Variants in MACROD2 observed in about 807,000 individuals in gnomAD.
The protein encoded by MACROD2 is mono-ADP ribosylhydrolase 2.
MACROD2 carries 36 observed loss-of-function variants against 70.4 expected under a neutral mutation model. The ratio of observed to expected loss-of-function variants is 0.51; its 90% CI spans 0.39 to 0.68. The LOEUF (loss-of-function observed/expected upper bound fraction) is 0.68, where lower values mean the gene tolerates loss of function less well. Ranked by LOEUF, MACROD2 falls within the 30% of genes least tolerant of loss-of-function variation. The probability of loss-of-function intolerance (pLI) is 0.00; values close to 1 mark genes in which losing one functional copy is unlikely to be tolerated. For missense variants in MACROD2, 496 were observed against 538.4 expected (o/e 0.92, Z 0.78); for synonymous variants, 172 against 178.8 (o/e 0.96, Z 0.30).
At chr20:14,555,749 C>T (rs545526178) in intron 4 of MACROD2, among the ~76,000 whole-genome samples, 39 of 152,100 alleles carry the variant, frequency 2.6e-4, no homozygotes, top group Non-Finnish European at 4.4e-4. Context: ...ACATGGGGGA[C>T]GTTGTGCTCT....
intron 8 of MACROD2, among the ~76,000 whole-genome samples, chr20:15,860,297 A>G (rs1456750947): frequency 6.6e-6 from 1 of 152,210 alleles, no homozygotes; most frequent in African/African-American, 2.4e-5. Context: ...AATGATTTTA[A>G]GTATGGGGGA....
chr20:15,986,846 T>G, intron 14 of MACROD2, 45 bp downstream of exon 14: 1 of 1,456,240 alleles, frequency 6.9e-7, no homozygotes, highest in Non-Finnish European at 9.6e-7. Context: ...GAGATGAAAC[T>G]GTGAATCATG....
At chr20:14,238,788 G>A (rs1355623456) in intron 3 of MACROD2, among the ~76,000 whole-genome samples, 2 of 151,878 alleles carry the variant, frequency 1.3e-5, no homozygotes, top group Non-Finnish European at 2.9e-5. Flanking sequence ...CAGCACTTTG[G>A]GAGGCCGAGG....
At chr20:15,923,166 T>C (rs1283175682) in intron 10 of MACROD2, among the ~76,000 whole-genome samples, 1 of 152,208 alleles carries the variant, frequency 6.6e-6, no homozygotes, top group Non-Finnish European at 1.5e-5. Context: ...TGTATTAGTC[T>C]GTTTTCACGC....
intron 8 of MACROD2, among the ~76,000 whole-genome samples, chr20:15,697,022 T>C (rs550909895): frequency 1.3e-5 from 2 of 152,296 alleles, no homozygotes; most frequent in East Asian, 3.9e-4. Flanking sequence ...TTTATTTATC[T>C]TTTGTATTGT....
At chr20:15,669,298 G>C (rs1406015365) in intron 8 of MACROD2, among the ~76,000 whole-genome samples, 2 of 152,186 alleles carry the variant, frequency 1.3e-5, no homozygotes, top group East Asian at 3.8e-4. Context: ...TCCAGCCTCA[G>C]TAAGCATTAT....
chr20:15,423,482 C>T (rs1416397058), intron 6 of MACROD2, among the ~76,000 whole-genome samples: 2 of 152,246 alleles, frequency 1.3e-5, no homozygotes, highest in East Asian at 3.9e-4. Context: ...ATACCATAGT[C>T]TGAGTGGCTT....
chr20:14,413,229 G>A (rs139782968), intron 3 of MACROD2, among the ~76,000 whole-genome samples: 161 of 148,826 alleles, frequency 1.1e-3, no homozygotes, highest in Non-Finnish European at 1.8e-3. Context: ...ATGTACGTGC[G>A]TGTGTACCTA....
intron 5 of MACROD2, among the ~76,000 whole-genome samples, chr20:14,956,023 G>GTT (rs750168380): frequency 0.011 from 1,555 of 143,812 alleles, 30 homozygotes; most frequent in African/African-American, 0.034. Context: ...GCTTTTAGCT[G>GTT]TTTTTTTTTT....
At chr20:14,095,025 C>G (rs760326549) in intron 3 of MACROD2, among the ~76,000 whole-genome samples, 6 of 152,136 alleles carry the variant, frequency 3.9e-5, no homozygotes, top group Non-Finnish European at 8.8e-5. Context: ...CCTAGCAGTT[C>G]CTGCCTCAGT....
rs866025437 is a variant in MACROD2, at chr20:15,519,346, G to A, written c.645+19499G>A. On this transcript the variant is annotated intron_variant, in intron 8 of 17. Coordinates refer to ENST00000684519, the MANE Select transcript of MACROD2 (RefSeq NM_001351661.2). ...TCACCGTGTTAGCCAGGATGGCCTC[G>A]ATCTCCTTACCTTGTGATCCTCCCA... is the stretch of plus-strand genomic sequence containing the variant. Among the ~76,000 whole-genome samples the A allele has an allele frequency of 2.6e-5, 4 of 152,064 alleles. No homozygotes were observed. In the South Asian group the frequency reaches 6.2e-4, roughly 24 times the overall value.
At chr20:15,197,699 A>G (rs1359756247) in intron 5 of MACROD2, among the ~76,000 whole-genome samples, 11 of 151,710 alleles carry the variant, frequency 7.3e-5, no homozygotes, top group Non-Finnish European at 4.4e-5. Context: ...TCTTTATTTT[A>G]TTTTACTTTA....
intron 5 of MACROD2, among the ~76,000 whole-genome samples, chr20:14,830,212 A>G (rs2072948894): frequency 6.6e-6 from 1 of 152,160 alleles, no homozygotes; most frequent in Non-Finnish European, 1.5e-5. Context: ...TTAAAGAGGC[A>G]TCACTGAAAT....
chr20:14,689,528 A>C (rs1192907359), intron 5 of MACROD2, among the ~76,000 whole-genome samples: 1 of 152,210 alleles, frequency 6.6e-6, no homozygotes, highest in Non-Finnish European at 1.5e-5. Flanking sequence ...CATTAGCCTG[A>C]TTACCTTTGG....
intron 3 of MACROD2, among the ~76,000 whole-genome samples, chr20:14,208,025 C>G (rs1413202796): frequency 2.6e-5 from 4 of 152,166 alleles, no homozygotes; most frequent in African/African-American, 4.8e-5. Context: ...AACAATTTCT[C>G]TGTTGGAAAT....
At chr20:15,286,920 A>G (rs890256489) in intron 6 of MACROD2, among the ~76,000 whole-genome samples, 3 of 152,192 alleles carry the variant, frequency 2.0e-5, no homozygotes, top group Admixed American at 6.5e-5. Context: ...ATTAGAGAAG[A>G]GAGAACTAGA....
intron 5 of MACROD2, among the ~76,000 whole-genome samples, chr20:14,945,907 A>G (rs926247789): frequency 6.6e-6 from 1 of 152,206 alleles, no homozygotes; most frequent in African/African-American, 2.4e-5. Flanking sequence ...GCATTTTAGT[A>G]AGAATTTCAT....
chr20:15,235,745 A>G (rs758138114), intron 6 of MACROD2, among the ~76,000 whole-genome samples: 3 of 152,196 alleles, frequency 2.0e-5, no homozygotes, highest in Non-Finnish European at 2.9e-5. Flanking sequence ...CAATCAATGC[A>G]GTTCTCTATT....
intron 7 of MACROD2, among the ~76,000 whole-genome samples, chr20:15,496,010 A>G (rs1027098054): frequency 1.3e-5 from 2 of 152,228 alleles, no homozygotes; most frequent in African/African-American, 4.8e-5. Flanking sequence ...AAGACCAGAA[A>G]GAAGGCCAGT....
Sources: allele counts gnomAD v4.1 joint callset (sites outside exome capture counted in the v4.1 genomes callset), GRCh38; gene constraint gnomAD v4.1.1; transcripts MANE v1.5; gene names NCBI Gene and HGNC (gene_info 2026-07-23, HGNC 2026-07-21).